Variants in CSMD1 observed in about 807,000 individuals in gnomAD.
CSMD1 encodes CUB and sushi domain-containing protein 1.
A neutral mutation model predicts 417.5 loss-of-function variants in CSMD1; 213 were observed. The observed-to-expected ratio is 0.51, with a 90% CI of 0.46 to 0.57. CSMD1 has a LOEUF of 0.57. CSMD1 is among the 20% of genes least tolerant of loss of function. CSMD1 has a pLI of 0.00. For synonymous variants in CSMD1, 2,862 were observed against 1,736.8 expected (o/e 1.65, Z -16.11); for missense variants, 6,923 against 4,529.7 (o/e 1.53, Z -15.17).
chr8:3,104,308 C>T (rs1036302150), intron 46 of CSMD1, among the ~76,000 whole-genome samples: 4 of 152,136 alleles, frequency 2.6e-5, no homozygotes, highest in South Asian at 2.1e-4. Flanking sequence ...ATGGCACAGA[C>T]GTTGGCTTTC....
intron 1 of CSMD1, among the ~76,000 whole-genome samples, chr8:4,848,749 G>A (rs1801293897): frequency 6.6e-6 from 1 of 152,122 alleles, no homozygotes; most frequent in African/African-American, 2.4e-5. Flanking sequence ...TCACCATGCT[G>A]GCCAGGCTAG....
At chr8:4,328,203 C>T (rs904530724) in intron 3 of CSMD1, among the ~76,000 whole-genome samples, 53 of 151,346 alleles carry the variant, frequency 3.5e-4, no homozygotes, top group Admixed American at 7.2e-4. Context: ...TTGTATTTGA[C>T]CCAAATTCTA....
rs58662516 is a variant in CSMD1, at chr8:3,741,213, T to TAAAAAA, written c.931+12711_931+12716dup. 6.4e-3 allele frequency among the ~76,000 whole-genome samples: 428 copies of TAAAAAA among 67,230 alleles called. 20 individuals are homozygous for TAAAAAA. The highest frequency in any genetic ancestry group is 0.018 in the Middle Eastern group (2 of 110). The allele number at this position is 67,230 out of a possible 152,430, so 44.1% of individuals were successfully genotyped here. On this transcript the variant is annotated intron_variant, in intron 6 of 69. Transcript: ENST00000635120. Reference sequence around the variant, plus strand: ...CGGGCAACAGAGCAAGACTCCGTCTTAAAAAAAAAAAAAAAAAAAAAAAAA... The same window carrying TAAAAAA: ...CGGGCAACAGAGCAAGACTCCGTCTTAAAAAAAAAAAAAAAAAAAAAAAAAAAAAAA...
intron 2 of CSMD1, among the ~76,000 whole-genome samples, chr8:4,564,045 C>T (rs575061909): frequency 1.1e-4 from 17 of 152,150 alleles, no homozygotes; most frequent in African/African-American, 2.6e-4. Flanking sequence ...GCCCAGTTAG[C>T]GAACATTCCT....
chr8:4,529,753 G>A (rs912094039), intron 2 of CSMD1, among the ~76,000 whole-genome samples: 6 of 152,064 alleles, frequency 3.9e-5, no homozygotes, highest in South Asian at 2.1e-4. Context: ...ACTATAAAGC[G>A]GTCCTGACAG....
intron 5 of CSMD1, among the ~76,000 whole-genome samples, chr8:3,827,203 G>C (rs1284666416): frequency 2.0e-5 from 3 of 152,196 alleles, no homozygotes; most frequent in Non-Finnish European, 2.9e-5. Context: ...CTCCCAAAGA[G>C]TAGGGACAAA....
rs117610903 is a variant in CSMD1 at position 3,342,320 on chromosome 8, C to A, written c.3631+974G>T. On this transcript the variant is annotated intron_variant, in intron 23 of 69. Coordinates refer to ENST00000635120, the MANE Select transcript of CSMD1 (RefSeq NM_033225.6). ...GGATGATTATTATCTTTTGCAGGACCTTTTTTGCCTATCCATCAAATAAAG... is the reference window on the plus strand; with the variant it reads ...GGATGATTATTATCTTTTGCAGGACATTTTTTGCCTATCCATCAAATAAAG... 1.7e-3 allele frequency among the ~76,000 whole-genome samples: 265 copies of A among 152,182 alleles called. 1 individual carries two copies. The highest frequency in any genetic ancestry group is 3.4e-3 in the Middle Eastern group (1 of 294).
chr8:4,390,505 A>ATTTATTTATTTATTTATTTAT (rs1803774784), intron 3 of CSMD1, among the ~76,000 whole-genome samples: 1 of 144,206 alleles, frequency 6.9e-6, no homozygotes, highest in South Asian at 2.2e-4. Flanking sequence ...ATTTTTATTT[A>ATTTATTTATTTATTTATTTAT]TTTATTTATT....
chr8:3,631,256 G>A (rs889789196), intron 7 of CSMD1, among the ~76,000 whole-genome samples: 4 of 152,124 alleles, frequency 2.6e-5, no homozygotes, highest in African/African-American at 4.8e-5. Context: ...ATCCTTCGTC[G>A]ACTCAGCACC....
chr8:4,444,595 A>T (rs993377267), intron 2 of CSMD1, among the ~76,000 whole-genome samples: 2 of 152,142 alleles, frequency 1.3e-5, no homozygotes, highest in African/African-American at 4.8e-5. Flanking sequence ...TGAAATGCTG[A>T]GCATTCTGCA....
At chr8:4,355,398 T>A (rs1428252665) in intron 3 of CSMD1, among the ~76,000 whole-genome samples, 1 of 151,934 alleles carries the variant, frequency 6.6e-6, no homozygotes, top group Non-Finnish European at 1.5e-5. Flanking sequence ...TTAAGAGTGT[T>A]CTTAACAGAA....
intron 3 of CSMD1, among the ~76,000 whole-genome samples, chr8:4,070,202 C>G (rs894641125): frequency 6.6e-5 from 10 of 151,790 alleles, no homozygotes; most frequent in Admixed American, 4.6e-4. Context: ...CTCTTTTTTT[C>G]TGTGTTTCTT....
At chr8:4,051,738 C>G (rs1018845205) in intron 3 of CSMD1, among the ~76,000 whole-genome samples, 2 of 152,134 alleles carry the variant, frequency 1.3e-5, no homozygotes, top group Non-Finnish European at 1.5e-5. Flanking sequence ...TAAAGAAAGG[C>G]AAAGAAACAC....
intron 8 of CSMD1, among the ~76,000 whole-genome samples, chr8:3,608,390 A>G (rs1160465632): frequency 2.0e-5 from 3 of 152,118 alleles, no homozygotes; most frequent in Non-Finnish European, 4.4e-5. Flanking sequence ...CAAGTTTCAG[A>G]GAATTCAGGG....
chr8:4,702,206 G>C (rs1188218145), intron 1 of CSMD1, among the ~76,000 whole-genome samples: 1 of 152,068 alleles, frequency 6.6e-6, no homozygotes, highest in African/African-American at 2.4e-5. Context: ...AAACCACTAT[G>C]GTACATGTTT....
At chr8:4,696,149 T>C (rs114148349) in intron 1 of CSMD1, among the ~76,000 whole-genome samples, 3 of 152,370 alleles carry the variant, frequency 2.0e-5, no homozygotes, top group African/African-American at 7.2e-5. Flanking sequence ...TTTTGTTACA[T>C]GAAAATCATT....
At position 4,172,569 on chromosome 8, in the gene CSMD1, C is replaced by G. The variant is rs578149232; in HGVS notation, c.416-140470G>C. On this transcript the variant is annotated intron_variant, in intron 3 of 69. Coordinates refer to ENST00000635120, the MANE Select transcript of CSMD1 (RefSeq NM_033225.6). ...AGTGGAAAGTGAGGCTCCACAAATC[C>G]AGAACTGTATATATGGTAAGGAACA... 2.0e-5 allele frequency among the ~76,000 whole-genome samples: 3 copies of G among 152,150 alleles called. No homozygotes were observed. In the East Asian group the frequency reaches 5.8e-4, roughly 29 times the overall value.
At position 4,354,381 on chromosome 8, in the gene CSMD1, G is replaced by A. The variant is rs190895580; in HGVS notation, c.415+65572C>T. On this transcript the variant is annotated intron_variant, in intron 3 of 69. Transcript: ENST00000635120. The stretch of plus-strand genomic sequence containing the variant: ...TAATATTCACAAACCTGGTCATTTC[G>A]TAACTATTAAAATACACCGTTCCCC... Among the ~76,000 whole-genome samples the A allele has an allele frequency of 9.2e-5, 14 of 152,220 alleles. No homozygotes were observed. The East Asian group carries it at 1.5e-3, about 17-fold the overall frequency.
chr8:3,751,591 GT>G (rs1190287599), intron 6 of CSMD1, among the ~76,000 whole-genome samples: 3 of 150,578 alleles, frequency 2.0e-5, no homozygotes, highest in Non-Finnish European at 4.4e-5. Flanking sequence ...TAGTTGTATT[GT>G]TTATATAATT....
Sources: allele counts gnomAD v4.1 joint callset (sites outside exome capture counted in the v4.1 genomes callset), GRCh38; gene constraint gnomAD v4.1.1; transcripts MANE v1.5; gene names NCBI Gene and HGNC (gene_info 2026-07-23, HGNC 2026-07-21).